The following CSMD3 variants were observed in gnomAD, a reference collection of about 807,000 sequenced individuals.
The protein encoded by CSMD3 is CUB and Sushi multiple domains 3, also known as CUB and sushi domain-containing protein 3.
A neutral mutation model predicts 435.2 loss-of-function variants in CSMD3; 177 were observed. The observed-to-expected ratio is 0.41, with a 90% CI of 0.36 to 0.46. The LOEUF (loss-of-function observed/expected upper bound fraction) is 0.46. Among genes scored for constraint, CSMD3 ranks in the 20% least tolerant of loss-of-function variants. CSMD3 has a pLI of 0.34. For missense variants in CSMD3, 4,265 were observed against 4,504.6 expected (o/e 0.95, Z 1.52); for synonymous variants, 1,656 against 1,520.5 (o/e 1.09, Z -2.07).
rs556907081 is a variant in CSMD3, at chr8:112,426,692, T to C, written c.5396-17660A>G. Among the ~76,000 whole-genome samples the C allele has an allele frequency of 5.9e-5, 9 of 152,342 alleles. No homozygotes were observed. In the East Asian group the frequency reaches 1.7e-3, roughly 29 times the overall value. ...TCAAATACTTTTCCATTGTATGCACTGCTTATTCTGGTCATATAAATTATT... is the reference window on the plus strand; with the variant it reads ...TCAAATACTTTTCCATTGTATGCACCGCTTATTCTGGTCATATAAATTATT... On this transcript the variant is annotated intron_variant, in intron 32 of 70. Coordinates refer to ENST00000297405, the MANE Select transcript of CSMD3 (RefSeq NM_198123.2).
intron 3 of CSMD3, among the ~76,000 whole-genome samples, chr8:113,203,920 A>T (rs1290209460): frequency 6.6e-6 from 1 of 152,066 alleles, no homozygotes; most frequent in Non-Finnish European, 1.5e-5. Context: ...TAAATCAATG[A>T]TGGGTGTTTA....
intron 4 of CSMD3, among the ~76,000 whole-genome samples, chr8:113,152,788 G>C (rs369383805): frequency 2.6e-5 from 4 of 151,866 alleles, no homozygotes; most frequent in African/African-American, 9.7e-5. Context: ...AAACTAGCCT[G>C]GCCAACATTG....
intron 14 of CSMD3, among the ~76,000 whole-genome samples, chr8:112,688,162 G>A (rs1439053278): frequency 6.6e-6 from 1 of 152,140 alleles, no homozygotes; most frequent in African/African-American, 2.4e-5. Context: ...TGGAAAGGAG[G>A]ATGGATTTGG....
chr8:112,450,566 C>A (rs7843346), intron 32 of CSMD3, among the ~76,000 whole-genome samples: 67,544 of 151,950 alleles, frequency 0.44, 15,610 homozygotes, highest in Middle Eastern at 0.6. Flanking sequence ...TGAGTCCCTA[C>A]AGACCAGTAC....
At chr8:112,317,157 A>C (rs1385227528) in intron 47 of CSMD3, among the ~76,000 whole-genome samples, 1 of 151,992 alleles carries the variant, frequency 6.6e-6, no homozygotes, top group East Asian at 1.9e-4. Context: ...TCAGGAGACA[A>C]AAATTTTCTA....
At chr8:112,723,401 G>C (rs1357391392) in intron 13 of CSMD3, among the ~76,000 whole-genome samples, 4 of 152,138 alleles carry the variant, frequency 2.6e-5, no homozygotes, top group Non-Finnish European at 5.9e-5. Flanking sequence ...TTCTTGTGGT[G>C]AGTATATTAG....
intron 22 of CSMD3, among the ~76,000 whole-genome samples, chr8:112,604,004 T>C (rs1480192345): frequency 1.3e-5 from 2 of 152,342 alleles, no homozygotes; most frequent in Middle Eastern, 3.4e-3. Context: ...TCAGATTTTA[T>C]TGAATAAATA....
chr8:112,328,048 C>A (rs937631329), intron 45 of CSMD3, among the ~76,000 whole-genome samples: 1 of 152,178 alleles, frequency 6.6e-6, no homozygotes, highest in East Asian at 1.9e-4. Context: ...AAGCACATAA[C>A]CTTTCTGCCA....
intron 1 of CSMD3, among the ~76,000 whole-genome samples, chr8:113,377,527 A>G (rs960755723): frequency 2.3e-4 from 35 of 152,196 alleles, no homozygotes; most frequent in African/African-American, 8.0e-4. Context: ...GCTATCTGAA[A>G]GCTGAGTTTT....
intron 1 of CSMD3, among the ~76,000 whole-genome samples, chr8:113,395,046 C>T (rs2094476926): frequency 6.6e-6 from 1 of 151,960 alleles, no homozygotes; most frequent in Non-Finnish European, 1.5e-5. Context: ...ATATACATTT[C>T]CTTTGAATAT....
At chr8:112,829,822 T>C in intron 11 of CSMD3, 33 bp from the exon 12 acceptor site, 1 of 1,153,760 alleles carries the variant, frequency 8.7e-7, no homozygotes, top group Non-Finnish European at 1.3e-6. Context: ...ACCTTAAATA[T>C]ACTGCGTTGT....
At chr8:113,166,548 T>A (rs1385685164) in intron 4 of CSMD3, among the ~76,000 whole-genome samples, 1 of 152,142 alleles carries the variant, frequency 6.6e-6, no homozygotes, top group African/African-American at 2.4e-5. Context: ...AAAATATGTA[T>A]GTGTTTAATT....
At chr8:113,217,139 G>GA (rs1424988826) in intron 3 of CSMD3, among the ~76,000 whole-genome samples, 3 of 151,568 alleles carry the variant, frequency 2.0e-5, no homozygotes, top group African/African-American at 7.3e-5. Context: ...GAAATAAAGA[G>GA]AAAAGAAAAA....
chr8:112,837,775 T>C (rs529275209), intron 11 of CSMD3, among the ~76,000 whole-genome samples: 1 of 151,894 alleles, frequency 6.6e-6, no homozygotes, highest in South Asian at 2.1e-4. Flanking sequence ...GGAGCAGCTT[T>C]TCTCCATTAT....
intron 53 of CSMD3, among the ~76,000 whole-genome samples, chr8:112,296,944 C>G (rs1331700015): frequency 6.6e-6 from 1 of 151,514 alleles, no homozygotes; most frequent in Non-Finnish European, 1.5e-5. Flanking sequence ...TAAGGGAATG[C>G]TAAAAACAGC....
chr8:112,289,056 T>C (rs796609055), intron 57 of CSMD3, among the ~76,000 whole-genome samples: 7 of 152,204 alleles, frequency 4.6e-5, no homozygotes, highest in African/African-American at 1.7e-4. Context: ...TTAGCTTGAA[T>C]AGTTTCACCA....
chr8:113,251,451 T>C (rs1419477681), intron 3 of CSMD3, among the ~76,000 whole-genome samples: 1 of 152,044 alleles, frequency 6.6e-6, no homozygotes, highest in Non-Finnish European at 1.5e-5. Context: ...AATTTATTCT[T>C]TTTTAAAGAA....
intron 4 of CSMD3, among the ~76,000 whole-genome samples, chr8:113,145,574 A>T (rs528951912): frequency 4.6e-5 from 7 of 151,634 alleles, no homozygotes; most frequent in Non-Finnish European, 8.9e-5. Flanking sequence ...ATGGAGAGTA[A>T]TATTAGTATT....
intron 16 of CSMD3, among the ~76,000 whole-genome samples, chr8:112,673,108 G>T (rs2075694761): frequency 6.6e-6 from 1 of 151,864 alleles, no homozygotes; most frequent in Admixed American, 6.6e-5. Context: ...CTGTGGAGTT[G>T]TTCTTGATAA....
Sources: allele counts gnomAD v4.1 joint callset (sites outside exome capture counted in the v4.1 genomes callset), GRCh38; gene constraint gnomAD v4.1.1; transcripts MANE v1.5; gene names NCBI Gene and HGNC (gene_info 2026-07-23, HGNC 2026-07-21).